The following PCDHA11 variants were observed in gnomAD, a reference collection of about 807,000 sequenced individuals.
The protein encoded by PCDHA11 is protocadherin alpha 11, also known as protocadherin alpha-11.
PCDHA11 carries 61 observed loss-of-function variants against 70.3 expected under a neutral mutation model. The ratio of observed to expected loss-of-function variants is 0.87; its 90% CI spans 0.71 to 1.07. The LOEUF is 1.07. PCDHA11 is among the 50% of genes least tolerant of loss of function. The pLI is 0.00. For missense variants in PCDHA11, 1,324 were observed against 1,237.5 expected, an observed-to-expected ratio of 1.07 and a Z score of -1.05; for synonymous variants, 633 against 555.1, an observed-to-expected ratio of 1.14 and a Z score of -1.97.
chr5:140,924,253 A>G (rs550218351), intron 1 of PCDHA11, among the ~76,000 whole-genome samples: 1 of 152,212 alleles, frequency 6.6e-6, no homozygotes, highest in African/African-American at 2.4e-5. Context: ...TCCTGGTGAG[A>G]TCTAATGAGG....
At position 140,899,258 on chromosome 5, in the gene PCDHA11, T is replaced by C. The variant is rs1293804815; in HGVS notation, c.2391+27764T>C. On this transcript the variant is annotated intron_variant, in intron 1 of 3. Transcript: ENST00000398640. Reference sequence around the variant, plus strand: ...TAGGAGTGGTGAGAGAGGGCATCCCTGTCTTGTGGCAGTTTTCAAAGGGAA... The same window carrying C: ...TAGGAGTGGTGAGAGAGGGCATCCCCGTCTTGTGGCAGTTTTCAAAGGGAA... Among the ~76,000 whole-genome samples the C allele has an allele frequency of 3.7e-4, 56 of 152,282 alleles. No individual in the cohort carries two copies. In the South Asian group the frequency reaches 0.012, roughly 32 times the overall value.
chr5:141,010,129 G>A lies in PCDHA11; in HGVS notation c.*192G>A, dbSNP rs781919488. The A allele has an allele frequency of 3.7e-6, 6 of 1,601,792 alleles. No individual in the cohort carries two copies. The highest frequency in any genetic ancestry group is 5.1e-6 in the Non-Finnish European group (6 of 1,173,386). On this transcript the variant is annotated 3_prime_UTR_variant, in exon 4 of 4. Coordinates refer to ENST00000398640, the MANE Select transcript of PCDHA11 (RefSeq NM_018902.5). Reference sequence around the variant, plus strand: ...TGTCGTAAAAGCTTTACTAAGTCTGGTGTTAACTCTTTCTCTCCACTCTGG... The same window carrying A: ...TGTCGTAAAAGCTTTACTAAGTCTGATGTTAACTCTTTCTCTCCACTCTGG...
At chr5:140,891,722 T>C (rs534881594) in intron 1 of PCDHA11, among the ~76,000 whole-genome samples, 1 of 152,292 alleles carries the variant, frequency 6.6e-6, no homozygotes, top group East Asian at 1.9e-4. Flanking sequence ...CAAATTCATG[T>C]GTTGAAAATT....
chr5:140,927,526 G>A, intron 1 of PCDHA11: 1 of 1,614,086 alleles, frequency 6.2e-7, no homozygotes, highest in South Asian at 1.1e-5. Flanking sequence ...CGGGCTACCT[G>A]CCCGCTCAGG....
chr5:140,885,367 G>T (rs1476588272), intron 1 of PCDHA11, among the ~76,000 whole-genome samples: 2 of 152,244 alleles, frequency 1.3e-5, no homozygotes, highest in African/African-American at 4.8e-5. Flanking sequence ...GTGACTGAAA[G>T]TACCTTTTGG....
chr5:140,995,954 A>G (rs2097705768), intron 3 of PCDHA11, among the ~76,000 whole-genome samples: 1 of 152,226 alleles, frequency 6.6e-6, no homozygotes, highest in South Asian at 2.1e-4. Context: ...TGCACGCAAA[A>G]TGCTTAGAAC....
rs782495760 is a variant in PCDHA11 at position 141,010,201 on chromosome 5, C to T, written c.*264C>T. Reference sequence around the variant, plus strand: ...GCAGACCCAAGTTTCCTTTCTCCTCCGCCGCAAAGGAGAGGCTTCCCAGCC... The same window carrying T: ...GCAGACCCAAGTTTCCTTTCTCCTCTGCCGCAAAGGAGAGGCTTCCCAGCC... On this transcript the variant is annotated 3_prime_UTR_variant, in exon 4 of 4. Coordinates refer to ENST00000398640, the MANE Select transcript of PCDHA11 (RefSeq NM_018902.5). The T allele has an allele frequency of 1.3e-5, 20 of 1,552,034 alleles. No individual in the cohort carries two copies. The East Asian group carries it at 1.7e-4, about 13-fold the overall frequency.
Position 140,876,332 on chromosome 5 carries a change from T to C in PCDHA11, c.2391+4838T>C. On this transcript the variant is annotated intron_variant, in intron 1 of 3. Coordinates refer to ENST00000398640, the MANE Select transcript of PCDHA11 (RefSeq NM_018902.5). ...TATGGGATCAAAATGATTTTGCCAGTGAGTGAGAAATGTATGTTTTCAATA... is the reference window on the plus strand; with the variant it reads ...TATGGGATCAAAATGATTTTGCCAGCGAGTGAGAAATGTATGTTTTCAATA... 6.2e-7 allele frequency: 1 copy of C among 1,613,990 alleles called. No homozygotes were observed. Among genetic ancestry groups the C allele is most frequent in the Non-Finnish European group, 8.5e-7 (1 of 1,179,896 alleles).
intron 1 of PCDHA11, among the ~76,000 whole-genome samples, chr5:140,942,047 T>C (rs2093223138): frequency 6.6e-6 from 1 of 152,228 alleles, no homozygotes; most frequent in African/African-American, 2.4e-5. Context: ...TGGTCTATTA[T>C]GAAATGTTTG....
At chr5:140,927,195 C>T in intron 1 of PCDHA11, 1 of 1,614,118 alleles carries the variant, frequency 6.2e-7, no homozygotes, top group Non-Finnish European at 8.5e-7. Flanking sequence ...ACCTGGTGCT[C>T]GAGGACCCGC....
intron 1 of PCDHA11, among the ~76,000 whole-genome samples, chr5:140,917,163 G>C (rs948639951): frequency 6.6e-6 from 1 of 152,182 alleles, no homozygotes; most frequent in Non-Finnish European, 1.5e-5. Flanking sequence ...ATATGGGAGG[G>C]GTGATGGTGG....
At chr5:140,967,680 G>A in intron 1 of PCDHA11, 4 of 1,614,228 alleles carry the variant, frequency 2.5e-6, no homozygotes, top group South Asian at 1.1e-5. Context: ...GACCGGGAGA[G>A]GCAGCTCTTC....
In PCDHA11 at chr5:140,871,179, G is replaced by C. The variant is rs374404426; in HGVS notation, c.2076G>C (p.Leu692=). ...GCGCCGCGAGCCCAGAGGCTGCGCT[G>C]GTGGATGTCAACGTGTACCTGATCA... The part of the protein sequence containing the change: ...LAGAASPEAA[L]VDVNVYLIIA... The change falls in exon 1 of 4, where the codon CTG becomes CTC. Residue 692 remains leucine, a synonymous_variant. Coordinates refer to ENST00000398640, the MANE Select transcript of PCDHA11 (RefSeq NM_018902.5). 2.7e-5 allele frequency: 44 copies of C among 1,613,428 alleles called. No individual in the cohort carries two copies. The highest frequency in any genetic ancestry group is 3.5e-5 in the Non-Finnish European group (41 of 1,179,954).
chr5:140,927,169 T>A, intron 1 of PCDHA11: 1 of 1,614,172 alleles, frequency 6.2e-7, no homozygotes, highest in Non-Finnish European at 8.5e-7. Context: ...CAAAGCTGCC[T>A]GCGTCTTGAC....
intron 1 of PCDHA11, among the ~76,000 whole-genome samples, chr5:140,879,144 G>A (rs1309421547): frequency 6.6e-6 from 1 of 152,168 alleles, no homozygotes; most frequent in Non-Finnish European, 1.5e-5. Context: ...TGTGAAGGCA[G>A]GAAAGCTATT....
At chr5:140,902,551 C>G (rs1022882687) in intron 1 of PCDHA11, among the ~76,000 whole-genome samples, 1 of 151,956 alleles carries the variant, frequency 6.6e-6, no homozygotes, top group African/African-American at 2.4e-5. Context: ...CTTCTATACC[C>G]AGATTTTTGA....
chr5:140,966,665 G>A, intron 1 of PCDHA11: 1 of 1,258,258 alleles, frequency 7.9e-7, no homozygotes. Flanking sequence ...GGGGGAGCAG[G>A]CGCAGGGTGG....
At chr5:140,984,976 C>A (rs905264957) in intron 3 of PCDHA11, among the ~76,000 whole-genome samples, 8 of 151,910 alleles carry the variant, frequency 5.3e-5, no homozygotes, top group African/African-American at 1.9e-4. Flanking sequence ...CTCGCTCTGT[C>A]CCCCAGGCTG....
chr5:140,937,413 TTAGA>T (rs781915768), intron 1 of PCDHA11, among the ~76,000 whole-genome samples: 3 of 152,228 alleles, frequency 2.0e-5, no homozygotes, highest in Non-Finnish European at 2.9e-5. Flanking sequence ...ACAACTTTTA[TTAGA>T]TAGCTGATAT....
Sources: gnomAD v4.1 joint callset for allele counts (sites outside exome capture counted in the v4.1 genomes callset) on GRCh38, gnomAD v4.1.1 for gene constraint, MANE v1.5 for transcripts, NCBI Gene and HGNC (gene_info 2026-07-23, HGNC 2026-07-21) for gene names.